Variants in HERC3 observed in about 807,000 individuals in gnomAD.
HERC3 encodes the protein HECT and RLD domain containing E3 ubiquitin protein ligase 3.
HERC3 carries 58 observed loss-of-function variants against 129.9 expected under a neutral mutation model. The observed-to-expected ratio is 0.45, with a 90% confidence interval of 0.36 to 0.56. The LOEUF (loss-of-function observed/expected upper bound fraction) is 0.56, where lower values mean the gene tolerates loss of function less well. Ranked by LOEUF, HERC3 falls within the 20% of genes least tolerant of loss-of-function variation. The pLI, the probability that HERC3 is intolerant of heterozygous loss-of-function variation, is 0.00. For missense variants in HERC3, 835 were observed against 1,244.2 expected (o/e 0.67, Z 4.95); for synonymous variants, 430 against 451.0 (o/e 0.95, Z 0.59).
chr4:88,649,985 T>C lies in HERC3; in HGVS notation c.372T>C (p.Ser124=), dbSNP rs747596713. Residue 124 remains serine, a synonymous_variant, in exon 4 of 26, where the codon TCT becomes TCC. Coordinates refer to ENST00000402738, the MANE Select transcript of HERC3 (RefSeq NM_014606.3). ...GQLGLMTTED[S]VAVPRLIQKL... ...TAGGACTCATGACTACTGAGGATTCTGTGGCAGTGCCCAGGTAAGAAGGTT... is the reference window on the plus strand; with the variant it reads ...TAGGACTCATGACTACTGAGGATTCCGTGGCAGTGCCCAGGTAAGAAGGTT... The C allele has an allele frequency of 1.2e-6, 2 of 1,613,888 alleles. No homozygotes were observed. Among genetic ancestry groups the C allele is most frequent in the South Asian group, 1.1e-5 (1 of 91,022 alleles).
At chr4:88,613,441 G>A (rs541327111) in intron 3 of HERC3, among the ~76,000 whole-genome samples, 1 of 152,292 alleles carries the variant, frequency 6.6e-6, no homozygotes, top group Non-Finnish European at 1.5e-5. Flanking sequence ...CAGCTTTCCT[G>A]CTGTTTGATA....
At position 88,609,730 on chromosome 4, in the gene HERC3, C is replaced by T. The variant is rs548616287; in HGVS notation, c.226+3681C>T. ...GAAATATGTTACAGGAAAGGGGTCC[C>T]GATCCAGACCCCAAGAGAGGGTTCT... On this transcript the variant is annotated intron_variant, in intron 3 of 25. Coordinates refer to ENST00000402738, the MANE Select transcript of HERC3 (RefSeq NM_014606.3). 1.3e-4 allele frequency among the ~76,000 whole-genome samples: 20 copies of T among 152,182 alleles called. 1 individual carries two copies. The highest frequency in any genetic ancestry group is 8.5e-4 in the Admixed American group (13 of 15,282).
the HERC3 span, among the ~76,000 whole-genome samples, chr4:88,580,303 T>C: frequency 6.6e-6 from 1 of 152,078 alleles, no homozygotes; most frequent in Non-Finnish European, 1.5e-5. Context: ...GGTGGGTGCA[T>C]CGCTTGAGGT....
upstream of HERC3, among the ~76,000 whole-genome samples, chr4:88,589,088 G>C (rs1332706705): frequency 2.6e-5 from 4 of 152,016 alleles, no homozygotes; most frequent in South Asian, 8.3e-4. Flanking sequence ...ATGTGCACGC[G>C]TGTGTGCGTG....
intron 3 of HERC3, among the ~76,000 whole-genome samples, chr4:88,624,058 G>C (rs1725830952): frequency 6.6e-6 from 1 of 152,130 alleles, no homozygotes; most frequent in Non-Finnish European, 1.5e-5. Flanking sequence ...TTTTGTGTCT[G>C]GCTTCTTAGA....
chr4:88,557,202 A>G, the HERC3 span, among the ~76,000 whole-genome samples: 4 of 152,140 alleles, frequency 2.6e-5, no homozygotes, highest in Non-Finnish European at 5.9e-5. Context: ...CCTCTATCAT[A>G]ATGACTTCCC....
chr4:88,610,412 C>A (rs1165161468), intron 3 of HERC3, among the ~76,000 whole-genome samples: 1 of 146,488 alleles, frequency 6.8e-6, no homozygotes, highest in Non-Finnish European at 1.5e-5. Flanking sequence ...GAGATCACGC[C>A]ACTGGCACTC....
At chr4:88,547,416 T>C in the HERC3 span, among the ~76,000 whole-genome samples, 1 of 152,236 alleles carries the variant, frequency 6.6e-6, no homozygotes, top group African/African-American at 2.4e-5. Context: ...GTTTTTAGTA[T>C]ATTCGGAGTT....
At chr4:88,570,125 A>G in the HERC3 span, among the ~76,000 whole-genome samples, 1 of 152,162 alleles carries the variant, frequency 6.6e-6, no homozygotes, top group Non-Finnish European at 1.5e-5. Flanking sequence ...ATTTTTCTTC[A>G]AGTCATTGGC....
At chr4:88,628,574 A>G (rs1179470017) in intron 3 of HERC3, among the ~76,000 whole-genome samples, 1 of 152,198 alleles carries the variant, frequency 6.6e-6, no homozygotes, top group Non-Finnish European at 1.5e-5. Flanking sequence ...GAGATAAAAT[A>G]GATGGATCCC....
chr4:88,588,778 AG>A (rs1242793964), upstream of HERC3, among the ~76,000 whole-genome samples: 3 of 152,252 alleles, frequency 2.0e-5, no homozygotes, highest in Non-Finnish European at 2.9e-5. Flanking sequence ...ATTTGAAAAT[AG>A]ATGTATTTTA....
intron 18 of HERC3, 143 bp from the exon 19 acceptor site, chr4:88,677,821 A>G: frequency 1.5e-6 from 1 of 650,154 alleles, no homozygotes; most frequent in South Asian, 1.9e-5. Context: ...TAAGTAACTT[A>G]GAAAATCTGT....
At chr4:88,569,608 A>T in the HERC3 span, among the ~76,000 whole-genome samples, 1 of 152,092 alleles carries the variant, frequency 6.6e-6, no homozygotes, top group Non-Finnish European at 1.5e-5. Context: ...CTCCTTAAGG[A>T]TACTCCTTTG....
rs1560788030 is a variant in HERC3, at chr4:88,704,609, C to G, written c.2943C>G (p.Leu981=). The G allele has an allele frequency of 1.3e-6, 2 of 1,537,052 alleles. No individual in the cohort carries two copies. Among genetic ancestry groups the G allele is most frequent in the Non-Finnish European group, 1.8e-6 (2 of 1,110,168 alleles). ...EFPLEKKKKF[L]LFLTGSDRIP... Reference sequence around the variant, plus strand: ...CATTGGAAAAGAAGAAGAAGTTTCTCTGTAAGTATCAGTAATCTCAATATG... The same window carrying G: ...CATTGGAAAAGAAGAAGAAGTTTCTGTGTAAGTATCAGTAATCTCAATATG... The change falls in exon 25 of 26, where the codon CTC becomes CTG. Residue 981 remains leucine (L), a splice_region_variant and synonymous_variant. Coordinates refer to ENST00000402738, the MANE Select transcript of HERC3 (RefSeq NM_014606.3).
chr4:88,640,732 G>GA (rs1283790666), intron 3 of HERC3, among the ~76,000 whole-genome samples: 2 of 151,958 alleles, frequency 1.3e-5, no homozygotes, highest in African/African-American at 2.4e-5. Flanking sequence ...ACTTAAAGGA[G>GA]AAAAAATAAA....
At chr4:88,701,845 C>G (rs995022295) in intron 23 of HERC3, among the ~76,000 whole-genome samples, 2 of 150,660 alleles carry the variant, frequency 1.3e-5, no homozygotes, top group African/African-American at 4.9e-5. Context: ...CTTTGTCACC[C>G]GGGCTGAAGT....
chr4:88,555,290 A>G, the HERC3 span, among the ~76,000 whole-genome samples: 14 of 149,892 alleles, frequency 9.3e-5, 1 homozygote, highest in Admixed American at 2.6e-4. Context: ...TCAAAAAAAA[A>G]AAAAAGAAAA....
At chr4:88,678,313 G>A (rs898872143) in intron 19 of HERC3, among the ~76,000 whole-genome samples, 179 bp downstream of exon 19, 1 of 152,106 alleles carries the variant, frequency 6.6e-6, no homozygotes, top group African/African-American at 2.4e-5. Flanking sequence ...TGTAACATTG[G>A]ATAAAAATGC....
rs1383706131 is a variant in HERC3 at position 88,707,522 on chromosome 4, C to G, written c.*562C>G. 6.6e-6 allele frequency: 1 copy of G among 152,670 alleles called. No individual in the cohort carries two copies. The highest frequency in any genetic ancestry group is 1.5e-5 in the Non-Finnish European group (1 of 68,396). 9.5% of individuals were successfully genotyped at this position (152,670 alleles called of 1,614,324 possible). A position where few individuals can be genotyped will look rare whatever the true frequency, so the allele number is the denominator to read the frequency against. On this transcript the variant is annotated 3_prime_UTR_variant, in exon 26 of 26. Coordinates refer to ENST00000402738, the MANE Select transcript of HERC3 (RefSeq NM_014606.3). ...AACTCCCAATTCCAAAAAGCTGAGT[C>G]TGGGTCCATTATTTTGGCAGAACTC...
Sources: gnomAD v4.1 joint callset for allele counts (sites outside exome capture counted in the v4.1 genomes callset) on GRCh38, gnomAD v4.1.1 for gene constraint, MANE v1.5 for transcripts, NCBI Gene and HGNC (gene_info 2026-07-23, HGNC 2026-07-21) for gene names.